Variants in UPF2 observed in about 807,000 individuals in gnomAD.
The protein encoded by UPF2 is regulator of nonsense transcripts 2.
In UPF2, 17 loss-of-function variants were observed where a neutral mutation model predicts 141.4. The observed-to-expected ratio is 0.12, with a 90% CI of 0.08 to 0.18. The LOEUF (loss-of-function observed/expected upper bound fraction) is 0.18. Among genes scored for constraint, UPF2 ranks in the 10% least tolerant of loss-of-function variants. The probability of loss-of-function intolerance (pLI) is 1.00; values close to 1 mark genes in which losing one functional copy is unlikely to be tolerated. For synonymous variants in UPF2, 540 were observed against 498.0 expected, an observed-to-expected ratio of 1.08 and a Z score of -1.12; for missense variants, 1,152 against 1,515.9, an observed-to-expected ratio of 0.76 and a Z score of 3.99.
intron 3 of UPF2, among the ~76,000 whole-genome samples, chr10:12,023,627 T>C (rs1316678969): frequency 1.3e-5 from 2 of 149,382 alleles, no homozygotes; most frequent in East Asian, 1.9e-4. Context: ...GAGGTGGAGG[T>C]TGTGATAAGC....
chr10:11,978,184 G>A (rs753038270), intron 9 of UPF2, among the ~76,000 whole-genome samples: 2 of 152,178 alleles, frequency 1.3e-5, no homozygotes, highest in South Asian at 2.1e-4. Context: ...CTGTTCTTGC[G>A]AGAGCTTGGC....
chr10:11,945,794 A>G (rs11257441), intron 16 of UPF2, among the ~76,000 whole-genome samples: 8 of 152,272 alleles, frequency 5.3e-5, no homozygotes, highest in Admixed American at 2.6e-4. Flanking sequence ...TGCTGGATTT[A>G]TTAGATACTG....
chr10:12,013,277 ATTTT>A (rs1215529268), intron 4 of UPF2, among the ~76,000 whole-genome samples: 1 of 137,714 alleles, frequency 7.3e-6, no homozygotes, highest in Non-Finnish European at 1.6e-5. Context: ...CACCCCTAAA[ATTTT>A]TTTTTTTTTT....
intron 18 of UPF2, among the ~76,000 whole-genome samples, chr10:11,941,140 T>C (rs1236729369): frequency 6.6e-6 from 1 of 152,224 alleles, no homozygotes; most frequent in African/African-American, 2.4e-5. Flanking sequence ...CTCAGTTGTA[T>C]TTATCACTTT....
chr10:12,025,411 T>G (rs1452513611), intron 3 of UPF2, among the ~76,000 whole-genome samples: 1 of 151,938 alleles, frequency 6.6e-6, no homozygotes, highest in East Asian at 1.9e-4. Context: ...ATTAGCTGGG[T>G]GTAGCAGCGC....
At chr10:11,922,768 A>C (rs901438824) in intron 21 of UPF2, among the ~76,000 whole-genome samples, 1 of 151,446 alleles carries the variant, frequency 6.6e-6, no homozygotes, top group African/African-American at 2.4e-5. Flanking sequence ...ACCTTACATA[A>C]AGATATATAA....
chr10:11,933,317 A>G (rs761854190), intron 19 of UPF2, among the ~76,000 whole-genome samples: 108 of 152,248 alleles, frequency 7.1e-4, no homozygotes, highest in Non-Finnish European at 1.2e-3. Flanking sequence ...TCTTTTTCAG[A>G]CCACAACATA....
At chr10:11,993,273 G>A (rs1833811647) in intron 8 of UPF2, among the ~76,000 whole-genome samples, 1 of 151,032 alleles carries the variant, frequency 6.6e-6, no homozygotes, top group South Asian at 2.1e-4. Flanking sequence ...AAAGATGTAT[G>A]TAATTCACAA....
chr10:11,959,249 C>T lies in UPF2; in HGVS notation c.2292G>A (p.Val764=). The T allele has an allele frequency of 6.2e-7, 1 of 1,613,586 alleles. No homozygotes were observed. The highest frequency in any genetic ancestry group is 8.5e-7 in the Non-Finnish European group (1 of 1,179,834). ...CCTGGAGAGGAGGACGTTTCTTTTT[C>T]ACGGTTTTTTCAGCTGGAGGTGGGT... ...YCNPPPAEKT[V]KKKRPPLQEY... Residue 764 remains valine (V), a synonymous_variant, in exon 12 of 22, where the codon GTG becomes GTA. Transcript: ENST00000357604. The surrounding 1 kb of genome is among the most constrained non-coding windows in gnomAD (Gnocchi z 5.9).
At chr10:12,033,933 C>T (rs117014619) in intron 2 of UPF2, among the ~76,000 whole-genome samples, 68 of 152,306 alleles carry the variant, frequency 4.5e-4, no homozygotes, top group Non-Finnish European at 8.5e-4. Flanking sequence ...CCTGTAAGAA[C>T]TACATTTTTC....
chr10:12,019,963 G>C lies in UPF2; in HGVS notation c.1146-5779C>G, dbSNP rs1834288833. ...TGGCCTCAGGCTCCTGATGTCAGGT[G>C]ATCTGCCCACCTCAGCCTCCCAAAC... On this transcript the variant is annotated intron_variant, in intron 3 of 21. Transcript: ENST00000357604. This position sits in a 1 kb window ranked among gnomAD's most constrained non-coding sequence, Gnocchi z 4.5. Among the ~76,000 whole-genome samples, 1 of 152,164 alleles carries C rather than the reference G, an allele frequency of 6.6e-6. No homozygotes were observed. Among genetic ancestry groups the C allele is most frequent in the East Asian group, 1.9e-4 (1 of 5,168 alleles).
At chr10:11,951,448 C>T (rs911042599) in intron 15 of UPF2, among the ~76,000 whole-genome samples, 12 of 152,168 alleles carry the variant, frequency 7.9e-5, no homozygotes, top group African/African-American at 2.9e-4. Context: ...ATACTTTGTA[C>T]TGGTTATTTC....
At chr10:11,938,853 GTTTTTTTTTTTTTTTTTTTTTT>G (rs58106776) in intron 18 of UPF2, among the ~76,000 whole-genome samples, 84 of 79,834 alleles carry the variant, frequency 1.1e-3, no homozygotes, top group African/African-American at 4.1e-3. Context: ...TTTTTTTTTT[GTTTTTTTTTTTTTTTTTTTTTT>G]TTTTTTTGGA....
rs1312570727 is a variant in UPF2 at position 11,964,105 on chromosome 10, A to C, written c.2088T>G (p.Ser696=). ...TGCATGCCATTTCAATATGGTGATG[A>C]GAGAAGTCTGACAGAAGCATCTGCA... The part of the protein sequence containing the change: ...HCLKMLLSDF[S]HHHIEMACTL... Residue 696 remains serine (S), a synonymous_variant, in exon 11 of 22, where the codon TCT becomes TCG. Transcript: ENST00000357604. The C allele has an allele frequency of 1.9e-6, 3 of 1,613,096 alleles. No individual in the cohort carries two copies. The highest frequency in any genetic ancestry group is 2.5e-6 in the Non-Finnish European group (3 of 1,179,622).
At chr10:12,020,872 A>G (rs564252405) in intron 3 of UPF2, among the ~76,000 whole-genome samples, 1 of 152,328 alleles carries the variant, frequency 6.6e-6, no homozygotes, top group South Asian at 2.1e-4. Flanking sequence ...GCTGCCTTTC[A>G]AATTATAATT....
chr10:12,015,038 T>C (rs181061730), intron 3 of UPF2, among the ~76,000 whole-genome samples: 1 of 152,362 alleles, frequency 6.6e-6, no homozygotes, highest in South Asian at 2.1e-4. Flanking sequence ...AGTCTTATTA[T>C]ATTCGTATAA....
chr10:11,966,147 T>G (rs1833316399), intron 10 of UPF2, among the ~76,000 whole-genome samples: 1 of 152,218 alleles, frequency 6.6e-6, no homozygotes, highest in African/African-American at 2.4e-5. Flanking sequence ...TTGAAAAGAT[T>G]GTAAATTCTG....
chr10:11,968,643 C>T (rs993720648), intron 9 of UPF2, among the ~76,000 whole-genome samples: 1 of 152,164 alleles, frequency 6.6e-6, no homozygotes, highest in Non-Finnish European at 1.5e-5. Context: ...AGTTTAAGTC[C>T]TTTGCACATG....
At chr10:11,977,299 T>C (rs1833520837) in intron 9 of UPF2, among the ~76,000 whole-genome samples, 1 of 152,090 alleles carries the variant, frequency 6.6e-6, no homozygotes, top group Non-Finnish European at 1.5e-5. Flanking sequence ...TAATAGAAAA[T>C]TGTTGGCAAA....
Sources: allele counts gnomAD v4.1 joint callset (sites outside exome capture counted in the v4.1 genomes callset), GRCh38; gene constraint gnomAD v4.1.1; non-coding constraint Gnocchi (gnomAD v3.1); transcripts MANE v1.5; gene names NCBI Gene and HGNC (gene_info 2026-07-23, HGNC 2026-07-21).